CLVS2: variants seen among roughly 807,000 people sequenced by gnomAD.
The protein encoded by CLVS2 is clavesin 2.
A neutral mutation model predicts 29.0 loss-of-function variants in CLVS2; 19 were observed. That is an observed-to-expected ratio of 0.66 (90% CI 0.46 to 0.96). CLVS2 has a LOEUF of 0.96. CLVS2 is among the 40% of genes least tolerant of loss of function. CLVS2 has a pLI of 0.00. For missense variants in CLVS2, 294 were observed against 404.1 expected (o/e 0.73, Z 2.34); for synonymous variants, 161 against 151.3 (o/e 1.06, Z -0.47).
chr6:123,059,514 C>A (rs1772744500), intron 5 of CLVS2, among the ~76,000 whole-genome samples: 1 of 152,144 alleles, frequency 6.6e-6, no homozygotes, highest in Admixed American at 6.5e-5. Context: ...CAGTGGCCCC[C>A]TTTAAGTGCA....
At chr6:123,055,696 A>T (rs1369963885) in intron 4 of CLVS2, 110 bp from the exon 5 acceptor site, 2 of 752,000 alleles carry the variant, frequency 2.7e-6, no homozygotes, top group Non-Finnish European at 4.6e-6. Context: ...TTTAACAGAC[A>T]TGCGAAACTC....
chr6:123,061,439 G>C (rs1359482528), intron 5 of CLVS2, among the ~76,000 whole-genome samples: 2 of 151,858 alleles, frequency 1.3e-5, no homozygotes, highest in East Asian at 3.9e-4. Flanking sequence ...TCATAAAAGA[G>C]ACTAAAAAAA....
chr6:123,007,457 C>T (rs1351997435), intron 2 of CLVS2, among the ~76,000 whole-genome samples: 1 of 152,130 alleles, frequency 6.6e-6, no homozygotes, highest in Non-Finnish European at 1.5e-5. Context: ...GTTACATAAA[C>T]ATGCCCCAAA....
At chr6:123,045,987 G>A (rs952786082) in intron 3 of CLVS2, among the ~76,000 whole-genome samples, 8 of 152,176 alleles carry the variant, frequency 5.3e-5, no homozygotes, top group Non-Finnish European at 1.2e-4. Context: ...TTAACAAGCC[G>A]TAAAACAGTA....
At chr6:123,035,878 T>C (rs1354515722) in intron 3 of CLVS2, among the ~76,000 whole-genome samples, 1 of 152,184 alleles carries the variant, frequency 6.6e-6, no homozygotes, top group East Asian at 1.9e-4. Context: ...AGAAGATCTG[T>C]TCTTCCTAGA....
intron 2 of CLVS2, among the ~76,000 whole-genome samples, chr6:123,002,562 T>G (rs1774604161): frequency 6.9e-6 from 1 of 145,326 alleles, no homozygotes; most frequent in South Asian, 2.2e-4. Context: ...AAAGCTTTAC[T>G]CATCTCTGGA....
intron 5 of CLVS2, among the ~76,000 whole-genome samples, chr6:123,062,935 A>G (rs540933736): frequency 1.3e-5 from 2 of 152,318 alleles, no homozygotes; most frequent in African/African-American, 4.8e-5. Flanking sequence ...TCCCATTCTC[A>G]TATTGTTTCC....
At chr6:123,000,123 A>G (rs189766011) in intron 2 of CLVS2, among the ~76,000 whole-genome samples, 21 of 152,306 alleles carry the variant, frequency 1.4e-4, no homozygotes. Flanking sequence ...TAAAATGTGT[A>G]TTAGAACAAA....
intron 3 of CLVS2, 102 bp downstream of exon 3, chr6:123,011,261 CA>C (rs1054118307): frequency 4.4e-5 from 36 of 817,376 alleles, no homozygotes; most frequent in South Asian, 8.2e-5. Flanking sequence ...ATAACAAAAA[CA>C]AAAAAAATCT....
At position 123,070,055 on chromosome 6, in the gene CLVS2, T is replaced by A. The variant is rs889972203; in HGVS notation, c.*6294T>A. 3 of 151,958 alleles carry A rather than the reference T, an allele frequency of 2.0e-5. No homozygotes were observed. The highest frequency in any genetic ancestry group is 7.2e-5 in the African/African-American group (3 of 41,412). 9.4% of individuals were successfully genotyped at this position (151,958 alleles called of 1,614,324 possible). On this transcript the variant is annotated 3_prime_UTR_variant, in exon 6 of 6. Coordinates refer to ENST00000275162, the MANE Select transcript of CLVS2 (RefSeq NM_001010852.4). ...TTTATAAATTATTACCTAAAAGTTT[T>A]ATGAAATATAATTATTAAGTTTTAG...
At position 123,011,126 on chromosome 6, in the gene CLVS2, A is replaced by G. The variant is rs1774743103; in HGVS notation, c.531A>G (p.Pro177=). The change falls in exon 3 of 6, where the codon CCA becomes CCG. Residue 177 remains proline, a synonymous_variant. Transcript: ENST00000275162. The stretch of plus-strand genomic sequence containing the variant: ...TCAAGCAAGCCTCTAAACTCACACC[A>G]AGTATGCTGCGATTAGCTATTGAAG... ...FTFKQASKLT[P]SMLRLAIEGL... is the part of the protein sequence containing the mutation. 6.3e-7 allele frequency: 1 copy of G among 1,598,994 alleles called. No homozygotes were observed. Among genetic ancestry groups the G allele is most frequent in the Non-Finnish European group, 8.5e-7 (1 of 1,171,748 alleles).
chr6:123,032,477 C>G (rs889855231), intron 3 of CLVS2, among the ~76,000 whole-genome samples: 1 of 151,924 alleles, frequency 6.6e-6, no homozygotes, highest in African/African-American at 2.4e-5. Context: ...AAGGAAAATC[C>G]ATGGAAGCAG....
intron 3 of CLVS2, among the ~76,000 whole-genome samples, chr6:123,013,119 A>G (rs905937450): frequency 6.6e-6 from 1 of 152,086 alleles, no homozygotes; most frequent in African/African-American, 2.4e-5. Context: ...TCTCATATTT[A>G]GTCTCGTACT....
rs1417094893 is a variant in CLVS2, at chr6:123,071,757, T to C, written c.*7996T>C. The C allele has an allele frequency of 6.6e-6, 1 of 152,000 alleles. No individual in the cohort carries two copies. The highest frequency in any genetic ancestry group is 1.9e-4 in the East Asian group (1 of 5,186). The allele number at this position is 152,000 out of a possible 1,614,324, so 9.4% of individuals were successfully genotyped here. The stretch of plus-strand genomic sequence containing the variant: ...GAAGTATTTTGGTGTTTCTAAGGTC[T>C]TTCCATGATCTTGAAATCTATATAT... On this transcript the variant is annotated 3_prime_UTR_variant, in exon 6 of 6. Coordinates refer to ENST00000275162, the MANE Select transcript of CLVS2 (RefSeq NM_001010852.4).
chr6:123,065,312 G>A lies in CLVS2; in HGVS notation c.*1551G>A, dbSNP rs974280916. ...ATTCTTTTGGAAGAAAAATATCTCAGAAACTCTTGGAAACCAACAAAAATA... is the reference window on the plus strand; with the variant it reads ...ATTCTTTTGGAAGAAAAATATCTCAAAAACTCTTGGAAACCAACAAAAATA... On this transcript the variant is annotated 3_prime_UTR_variant, in exon 6 of 6. Coordinates refer to ENST00000275162, the MANE Select transcript of CLVS2 (RefSeq NM_001010852.4). The A allele has an allele frequency of 6.6e-6, 1 of 151,694 alleles. No homozygotes were observed. The highest frequency in any genetic ancestry group is 6.6e-5 in the Admixed American group (1 of 15,212). The allele number at this position is 151,694 out of a possible 1,614,324, so 9.4% of individuals were successfully genotyped here.
chr6:123,062,757 G>T (rs1772796400), intron 5 of CLVS2, among the ~76,000 whole-genome samples: 1 of 152,174 alleles, frequency 6.6e-6, no homozygotes, highest in Admixed American at 6.6e-5. Flanking sequence ...AATGAGGTCT[G>T]CTAAGAGGCA....
intron 2 of CLVS2, among the ~76,000 whole-genome samples, chr6:123,009,933 A>C (rs945532111): frequency 6.6e-6 from 1 of 151,988 alleles, no homozygotes; most frequent in African/African-American, 2.4e-5. Context: ...TTTAGGATCC[A>C]TTTGTTTCAG....
In CLVS2 at chr6:123,071,098, G is replaced by C. The variant is rs1292440980; in HGVS notation, c.*7337G>C. 2.0e-5 allele frequency: 3 copies of C among 151,800 alleles called. No homozygotes were observed. The highest frequency in any genetic ancestry group is 3.9e-4 in the East Asian group (2 of 5,168). 9.4% of individuals were successfully genotyped at this position (151,800 alleles called of 1,614,324 possible). ...ATTTACTTTGCATTTCCCCCCAATA[G>C]CAATGTGAACTCCACAAGGGCAGGA... is the stretch of plus-strand genomic sequence containing the variant. On this transcript the variant is annotated 3_prime_UTR_variant, in exon 6 of 6. Coordinates refer to ENST00000275162, the MANE Select transcript of CLVS2 (RefSeq NM_001010852.4).
chr6:123,054,594 G>T (rs1262553235), intron 4 of CLVS2, among the ~76,000 whole-genome samples: 2 of 152,104 alleles, frequency 1.3e-5, no homozygotes, highest in African/African-American at 4.8e-5. Context: ...GATTCTGAAG[G>T]TACAGAAAGC....
Sources: allele counts gnomAD v4.1 joint callset (sites outside exome capture counted in the v4.1 genomes callset), GRCh38; gene constraint gnomAD v4.1.1; transcripts MANE v1.5; gene names NCBI Gene and HGNC (gene_info 2026-07-23, HGNC 2026-07-21).